GBP4: variants seen among roughly 807,000 people sequenced by gnomAD.
GBP4 encodes the protein guanylate binding protein 4, also known as guanylate-binding protein 4.
Under a neutral mutation model 62.2 loss-of-function variants are expected in GBP4, and 69 were observed. The ratio of observed to expected loss-of-function variants is 1.11; its 90% CI spans 0.91 to 1.36. GBP4 has a LOEUF of 1.36. Among genes scored for constraint, GBP4 ranks in the 40% most tolerant of loss-of-function variants. GBP4 has a pLI of 0.00. For synonymous variants in GBP4, 278 were observed against 274.6 expected, an observed-to-expected ratio of 1.01 and a Z score of -0.12; for missense variants, 697 against 759.3, an observed-to-expected ratio of 0.92 and a Z score of 0.96.
At chr1:89,189,642 A>C (rs115555282) in intron 7 of GBP4, among the ~76,000 whole-genome samples, 2 of 152,228 alleles carry the variant, frequency 1.3e-5, no homozygotes, top group Admixed American at 1.3e-4. Flanking sequence ...TTAGAAACAT[A>C]AGGATTTCAT....
chr1:89,193,030 TG>T lies in GBP4; in HGVS notation c.543del (p.Ser182AlafsTer21). On this transcript the variant is annotated frameshift_variant, in exon 5 of 11. Coordinates refer to ENST00000355754, the MANE Select transcript of GBP4 (RefSeq NM_052941.5). LOFTEE classifies it high-confidence loss of function. ...TCTGGAAAGAAACTCGCAAACTCGC[TG>T]GAGTCCTCAGCTTCATCAGGTCTGG... ...SCPRPDEAED[S>X]SEFASFFPDF... is the part of the protein sequence containing the mutation. The T allele has an allele frequency of 6.2e-7, 1 of 1,614,220 alleles. No individual in the cohort carries two copies. Among genetic ancestry groups the T allele is most frequent in the Non-Finnish European group, 8.5e-7 (1 of 1,180,044 alleles).
intron 8 of GBP4, among the ~76,000 whole-genome samples, chr1:89,188,102 C>T (rs752430523): frequency 5.3e-5 from 8 of 152,028 alleles, no homozygotes; most frequent in Non-Finnish European, 8.8e-5. Context: ...TACATTATTC[C>T]GAGAATCAAA....
At chr1:89,198,384 G>C (rs1316417088) in intron 1 of GBP4, among the ~76,000 whole-genome samples, 1 of 152,084 alleles carries the variant, frequency 6.6e-6, no homozygotes, top group Non-Finnish European at 1.5e-5. Context: ...TCAGCTAAGG[G>C]AGAGTCAACT....
chr1:89,193,409 T>C lies in GBP4; in HGVS notation c.367A>G (p.Asn123Asp). The stretch of plus-strand genomic sequence containing the variant: ...AAGATCCACGAGTCATTCTTAGGGT[T>C]ACTCTAGAAAGCATATAAAGCAAAA... ...TEGLGDVEKSNPKNDSWIFAL... is the reference protein window; with the variant it reads ...TEGLGDVEKSDPKNDSWIFAL... The change falls in exon 4 of 11, where the codon AAC (asparagine) becomes GAC (aspartate). Residue 123 changes from asparagine (N) to aspartate (D), a missense_variant. By Grantham distance (23) the Asn-to-Asp change is conservative. Coordinates refer to ENST00000355754, the MANE Select transcript of GBP4 (RefSeq NM_052941.5). The C allele has an allele frequency of 4.3e-6, 7 of 1,612,950 alleles. No homozygotes were observed. Among genetic ancestry groups the C allele is most frequent in the Non-Finnish European group, 5.1e-6 (6 of 1,178,896 alleles).
intron 6 of GBP4, among the ~76,000 whole-genome samples, chr1:89,190,690 A>T (rs2100676183): frequency 6.6e-6 from 1 of 151,938 alleles, no homozygotes. Flanking sequence ...TAAAAATGCA[A>T]GTCCCCTCAT....
chr1:89,195,090 C>A (rs774105413), intron 3 of GBP4, among the ~76,000 whole-genome samples: 9 of 152,202 alleles, frequency 5.9e-5, no homozygotes, highest in Non-Finnish European at 1.3e-4. Context: ...TAAATTATAT[C>A]ATTCACTCCA....
chr1:89,191,240 T>C (rs1648172918), intron 6 of GBP4, 21 bp downstream of exon 6: 2 of 1,607,744 alleles, frequency 1.2e-6, no homozygotes, highest in East Asian at 2.2e-5. Flanking sequence ...CAGACATGCT[T>C]TGGGACAAAA....
At chr1:89,192,337 T>C (rs1004531348) in intron 5 of GBP4, among the ~76,000 whole-genome samples, 1 of 152,176 alleles carries the variant, frequency 6.6e-6, no homozygotes, top group Non-Finnish European at 1.5e-5. Context: ...ATGAAAATAG[T>C]AAAATGAAGG....
rs775609943 is a variant in GBP4, at chr1:89,188,979, A to AC, written c.1198-186dup. On this transcript the variant is annotated intron_variant, in intron 7 of 10. Coordinates refer to ENST00000355754, the MANE Select transcript of GBP4 (RefSeq NM_052941.5). ...TGTGTGACCTGTGGAAAGCCCTTTA[A>AC]CCCCCCAGGGGTCAGGCTCAATATC... Among the ~76,000 whole-genome samples, 130 of 152,198 alleles carry AC rather than the reference A, an allele frequency of 8.5e-4. 1 individual carries two copies. Among genetic ancestry groups the AC allele is most frequent in the Middle Eastern group, 6.8e-3 (2 of 294 alleles).
intron 5 of GBP4, 89 bp from the exon 6 acceptor site, chr1:89,191,595 C>G: frequency 7.9e-7 from 1 of 1,264,334 alleles, no homozygotes; most frequent in Non-Finnish European, 1.1e-6. Context: ...TGCATCCCTG[C>G]AGCTCCCCTG....
At position 89,193,050 on chromosome 1, in the gene GBP4, G is replaced by A. The variant is rs1648231908; in HGVS notation, c.524C>T (p.Pro175Leu). 1 of 1,614,216 alleles carries A rather than the reference G, an allele frequency of 6.2e-7. No individual in the cohort carries two copies. Among genetic ancestry groups the A allele is most frequent in the Non-Finnish European group, 8.5e-7 (1 of 1,180,046 alleles). The part of the protein sequence containing the change: ...ELIRAKSCPR[P>L]DEAEDSSEFA... ...CTCGCTGGAGTCCTCAGCTTCATCA[G>A]GTCTGGGGCAGGATTTTGCCCTGAT... Residue 175 changes from proline (P) to leucine (L), a missense_variant, in exon 5 of 11, where the codon CCT (proline) becomes CTT (leucine). Physicochemically the swap from Pro to Leu is moderately conservative, Grantham distance 98 (BLOSUM62 -3). This residue lies in a region of GBP4 where 556 missense variants were observed against 562.7 expected (regional missense o/e 0.99). Transcript: ENST00000355754.
chr1:89,183,678 A>C lies in GBP4; in HGVS notation c.*1576T>G, dbSNP rs1248686275. 1 of 152,242 alleles carries C rather than the reference A, an allele frequency of 6.6e-6. No individual in the cohort carries two copies. Among genetic ancestry groups the C allele is most frequent in the Non-Finnish European group, 1.5e-5 (1 of 68,060 alleles). The allele number at this position is 152,242 out of a possible 1,614,324, so 9.4% of individuals were successfully genotyped here. A position where few individuals can be genotyped will look rare whatever the true frequency, so the allele number is the denominator to read the frequency against. ...CAGATTGCTTGAGCTCAGTAGTTCAAGACCAGCTTGGGCAACATGGAAAAA... is the reference window on the plus strand; with the variant it reads ...CAGATTGCTTGAGCTCAGTAGTTCACGACCAGCTTGGGCAACATGGAAAAA... On this transcript the variant is annotated 3_prime_UTR_variant, in exon 11 of 11. Transcript: ENST00000355754.
intron 5 of GBP4, 38 bp downstream of exon 5, chr1:89,192,866 C>A (rs762391173): frequency 3.1e-6 from 5 of 1,594,666 alleles, no homozygotes; most frequent in Non-Finnish European, 2.6e-6. Flanking sequence ...ATCCTACCCC[C>A]CACTGAACCT....
At chr1:89,197,403 T>C (rs1648376958) in intron 1 of GBP4, 99 bp from the exon 2 acceptor site, 20 of 876,488 alleles carry the variant, frequency 2.3e-5, no homozygotes, top group Non-Finnish European at 3.2e-5. Flanking sequence ...GCTTGTGGAA[T>C]GGTATATAAA....
intron 7 of GBP4, 145 bp from the exon 8 acceptor site, chr1:89,188,939 C>G: frequency 1.2e-6 from 1 of 866,474 alleles, no homozygotes; most frequent in Non-Finnish European, 1.8e-6. Context: ...TGATTTTGTT[C>G]CCAACTATGT....
chr1:89,196,974 A>G, intron 2 of GBP4, 136 bp downstream of exon 2: 1 of 599,932 alleles, frequency 1.7e-6, no homozygotes, highest in Non-Finnish European at 2.8e-6. Context: ...GAGATTGTAA[A>G]TTTAGTGGTG....
At chr1:89,185,881 T>C (rs1045281131) in intron 10 of GBP4, among the ~76,000 whole-genome samples, 2 of 152,248 alleles carry the variant, frequency 1.3e-5, no homozygotes, top group African/African-American at 4.8e-5. Context: ...TGTTTTACTC[T>C]AGTTGTATAG....
chr1:89,186,441 A>T lies in GBP4; in HGVS notation c.1599T>A (p.Ala533=), dbSNP rs1302382993. The change falls in exon 10 of 11, where the codon GCT becomes GCA. Residue 533 remains alanine (A), a synonymous_variant. Coordinates refer to ENST00000355754, the MANE Select transcript of GBP4 (RefSeq NM_052941.5). ...KQKEQQQMME[A]QERSFQEYMA... ...TGTATTCCTGGAAGCTTCTCTCTTG[A>T]GCCTCCATCATTTGCTGCTGCTCCT... The T allele has an allele frequency of 6.2e-6, 10 of 1,609,930 alleles. No homozygotes were observed. In the African/African-American group the frequency reaches 1.2e-4, roughly 19 times the overall value.
At chr1:89,195,475 G>A in intron 2 of GBP4, 51 bp from the exon 3 acceptor site, 1 of 1,603,952 alleles carries the variant, frequency 6.2e-7, no homozygotes, top group Non-Finnish European at 8.5e-7. Flanking sequence ...AGACCAGGAT[G>A]TCCCAGGATT....
Sources: gnomAD v4.1 joint callset for allele counts (sites outside exome capture counted in the v4.1 genomes callset) on GRCh38, gnomAD v4.1.1 for gene constraint, gnomAD v4.1.1 regional missense constraint, MANE v1.5 for transcripts, NCBI Gene and HGNC (gene_info 2026-07-23, HGNC 2026-07-21) for gene names.